Variants in SUZ12 observed in about 807,000 individuals in gnomAD.
The protein encoded by SUZ12 is polycomb protein SUZ12.
In SUZ12, 17 loss-of-function variants were observed where a neutral mutation model predicts 87.3. The ratio of observed to expected loss-of-function variants is 0.19; its 90% CI spans 0.13 to 0.29. The LOEUF is 0.29. Ranked by LOEUF, SUZ12 falls within the 10% of genes least tolerant of loss-of-function variation. The probability of loss-of-function intolerance (pLI) is 1.00; values close to 1 mark genes in which losing one functional copy is unlikely to be tolerated. For missense variants in SUZ12, 526 were observed against 912.2 expected (o/e 0.58, Z 5.45); for synonymous variants, 253 against 312.4 (o/e 0.81, Z 2.01).
At chr17:31,991,392 CAG>C (rs1022206368) in intron 10 of SUZ12, among the ~76,000 whole-genome samples, 2 of 142,846 alleles carry the variant, frequency 1.4e-5, no homozygotes, top group African/African-American at 3.0e-5. Context: ...TGGCTTGTGT[CAG>C]GGGAAAGGTT....
At chr17:31,942,113 A>C (rs976723832) in intron 3 of SUZ12, among the ~76,000 whole-genome samples, 1 of 152,138 alleles carries the variant, frequency 6.6e-6, no homozygotes, top group Non-Finnish European at 1.5e-5. Flanking sequence ...TGGCCTCCCA[A>C]AGTGCTGAGA....
chr17:31,965,623 T>C (rs1231490254), intron 4 of SUZ12: 1 of 152,336 alleles, frequency 6.6e-6, no homozygotes, highest in African/African-American at 2.4e-5. Flanking sequence ...CTGTATCATT[T>C]ATTGGGAAGG....
intron 5 of SUZ12, chr17:31,966,947 C>G (rs1481625771): frequency 6.6e-6 from 1 of 152,082 alleles, no homozygotes; most frequent in Non-Finnish European, 1.5e-5. Context: ...TTTTGGGAGG[C>G]TGAGGCGGGT....
Position 31,937,046 on chromosome 17 carries a change from A to C in SUZ12, c.-201A>C. 1 of 449,004 alleles carries C rather than the reference A, an allele frequency of 2.2e-6. No individual in the cohort carries two copies. Among genetic ancestry groups the C allele is most frequent in the South Asian group, 6.5e-5 (1 of 15,486 alleles). The allele number at this position is 449,004 out of a possible 1,614,324, so 27.8% of individuals were successfully genotyped here. ...GTAGGGTGAGCGGCCTCCGAAGCGG[A>C]GCGGGGCTCTGAGGAGACACTTTTT... On this transcript the variant is annotated 5_prime_UTR_variant, in exon 1 of 16. Transcript: ENST00000322652.
chr17:31,976,965 TA>T (rs1908791918), intron 8 of SUZ12, among the ~76,000 whole-genome samples: 1 of 152,212 alleles, frequency 6.6e-6, no homozygotes, highest in African/African-American at 2.4e-5. Context: ...AAAAATCAAC[TA>T]ATGTCACTTA....
intron 3 of SUZ12, among the ~76,000 whole-genome samples, chr17:31,943,687 C>T (rs974784752): frequency 3.4e-4 from 51 of 151,884 alleles, no homozygotes; most frequent in African/African-American, 1.0e-3. Context: ...ATTCGACTAA[C>T]TGTTTTGTTT....
intron 3 of SUZ12, among the ~76,000 whole-genome samples, chr17:31,943,760 G>C (rs1383758553): frequency 6.6e-6 from 1 of 151,984 alleles, no homozygotes; most frequent in African/African-American, 2.4e-5. Flanking sequence ...GAGTGCCGTG[G>C]CGCAATTTCG....
chr17:31,942,632 C>A (rs1322051790), intron 3 of SUZ12, among the ~76,000 whole-genome samples: 1 of 152,118 alleles, frequency 6.6e-6, no homozygotes, highest in African/African-American at 2.4e-5. Context: ...CCACAGCGCC[C>A]GGCCTTGGTG....
At chr17:31,941,315 G>C (rs1567810465) in intron 3 of SUZ12, among the ~76,000 whole-genome samples, 1 of 151,676 alleles carries the variant, frequency 6.6e-6, no homozygotes, top group African/African-American at 2.4e-5. Flanking sequence ...GGAGTGTAAT[G>C]GTGCAATCTC....
Position 31,998,890 on chromosome 17 carries a change from G to A in SUZ12, c.2107G>A (p.Glu703Lys), listed in dbSNP as rs746546519. 1 of 1,613,296 alleles carries A rather than the reference G, an allele frequency of 6.2e-7. No individual in the cohort carries two copies. The highest frequency in any genetic ancestry group is 8.5e-7 in the Non-Finnish European group (1 of 1,179,806). ...SASPANEEIT[E>K]EQNGTANGFS... ...TTCCCCTGCAAACGAAGAAATAACT[G>A]AAGAACAAAATGGGACAGCAAATGG... is the stretch of plus-strand genomic sequence containing the variant. The change falls in exon 16 of 16, where the codon GAA (glutamate) becomes AAA (lysine). Residue 703 changes from glutamate to lysine, a missense_variant. This residue lies in a region of SUZ12 where 56 missense variants were observed against 56.6 expected (regional missense o/e 0.99). Coordinates refer to ENST00000322652, the MANE Select transcript of SUZ12 (RefSeq NM_015355.4).
At chr17:31,980,466 T>TTTTTTTTG (rs1909037343) in intron 8 of SUZ12, among the ~76,000 whole-genome samples, 1 of 111,356 alleles carries the variant, frequency 9.0e-6, no homozygotes, top group Non-Finnish European at 1.8e-5. Context: ...TTTTTTTTTT[T>TTTTTTTTG]GAGACGGAGT....
At chr17:31,968,990 C>G (rs1451404318) in intron 5 of SUZ12, among the ~76,000 whole-genome samples, 6 of 152,122 alleles carry the variant, frequency 3.9e-5, no homozygotes, top group Non-Finnish European at 7.4e-5. Context: ...GTTGATATCT[C>G]TGTTTCCAGA....
Position 31,988,485 on chromosome 17 carries a change from A to C in SUZ12, c.1189A>C (p.Thr397Pro), listed in dbSNP as rs370690227. The C allele has an allele frequency of 9.4e-6, 15 of 1,598,236 alleles. No homozygotes were observed. Among genetic ancestry groups the C allele is most frequent in the Non-Finnish European group, 1.3e-5 (15 of 1,176,048 alleles). The change falls in exon 10 of 16, where the codon ACT (threonine) becomes CCT (proline). Residue 397 changes from threonine (T) to proline (P), a missense_variant. By Grantham distance (38) the Thr-to-Pro change is conservative. Around this residue, in one of 9 missense-constraint regions of SUZ12, gnomAD observed 85 missense variants for 87.4 expected, o/e 0.97. Transcript: ENST00000322652. ...AAACAAGCCTGGTTCAGTTAAACCT[A>C]CTCAAACTATTGGTAAGAAAACATT... ...QENKPGSVKP[T>P]QTIAVKESLT...
intron 4 of SUZ12, among the ~76,000 whole-genome samples, chr17:31,947,894 G>A (rs1372944889): frequency 1.3e-5 from 2 of 152,142 alleles, no homozygotes; most frequent in East Asian, 1.9e-4. Context: ...TACCTCCAGT[G>A]TAGTTGTATT....
intron 15 of SUZ12, among the ~76,000 whole-genome samples, chr17:31,998,353 A>ACCTGGCC (rs1910092926): frequency 1.3e-5 from 2 of 152,140 alleles, no homozygotes; most frequent in Non-Finnish European, 2.9e-5. Flanking sequence ...TGCTAGAATT[A>ACCTGGCC]CAGGCGTAAT....
At chr17:31,979,654 TA>T (rs1185564934) in intron 8 of SUZ12, among the ~76,000 whole-genome samples, 4 of 152,240 alleles carry the variant, frequency 2.6e-5, no homozygotes, top group African/African-American at 9.6e-5. Context: ...ATGTGTTCTT[TA>T]CGTACTACAT....
intron 4 of SUZ12, among the ~76,000 whole-genome samples, chr17:31,957,941 C>G (rs1219356673): frequency 8.6e-6 from 1 of 116,650 alleles, no homozygotes; most frequent in Non-Finnish European, 1.7e-5. Context: ...CTTGCTCTGT[C>G]GCCCAGGCTG....
Position 31,937,394 on chromosome 17 carries a change from G to C in SUZ12, c.148G>C (p.Gly50Arg). Residue 50 changes from glycine (G) to arginine (R), a missense_variant, in exon 1 of 16, where the codon GGC becomes CGC. Around this residue, in one of 9 missense-constraint regions of SUZ12, gnomAD observed 92 missense variants for 109.9 expected, o/e 0.84. Coordinates refer to ENST00000322652, the MANE Select transcript of SUZ12 (RefSeq NM_015355.4). ...KSGGGSCGGG[G>R]SYSASSSSSA... ...CGGCGGCGGGAGCTGTGGAGGGGGTGGCAGTTACTCGGCCTCCTCCTCCTC... is the reference window on the plus strand; with the variant it reads ...CGGCGGCGGGAGCTGTGGAGGGGGTCGCAGTTACTCGGCCTCCTCCTCCTC... 1.3e-6 allele frequency: 2 copies of C among 1,538,566 alleles called. No individual in the cohort carries two copies. The highest frequency in any genetic ancestry group is 1.7e-6 in the Non-Finnish European group (2 of 1,143,332).
intron 7 of SUZ12, among the ~76,000 whole-genome samples, 179 bp from the exon 8 acceptor site, chr17:31,976,342 A>C (rs1908751790): frequency 6.6e-6 from 1 of 152,242 alleles, no homozygotes; most frequent in Admixed American, 6.5e-5. Flanking sequence ...TGTGATTGTT[A>C]AAAAGAACAT....
Sources: gnomAD v4.1 joint callset for allele counts (sites outside exome capture counted in the v4.1 genomes callset) on GRCh38, gnomAD v4.1.1 for gene constraint, gnomAD v4.1.1 regional missense constraint, MANE v1.5 for transcripts, NCBI Gene and HGNC (gene_info 2026-07-23, HGNC 2026-07-21) for gene names.